Variants in RRAGD observed in about 807,000 individuals in gnomAD.
RRAGD encodes the protein Ras related GTP binding D.
In RRAGD, 12 loss-of-function variants were observed where a neutral mutation model predicts 35.5. The ratio of observed to expected loss-of-function variants is 0.34; its 90% CI spans 0.22 to 0.55. The LOEUF is 0.55. Among genes scored for constraint, RRAGD ranks in the 20% least tolerant of loss-of-function variants. The probability of loss-of-function intolerance (pLI) is 0.91; values close to 1 mark genes in which losing one functional copy is unlikely to be tolerated. For missense variants in RRAGD, 324 were observed against 490.1 expected (o/e 0.66, Z 3.20); for synonymous variants, 155 against 178.9 (o/e 0.87, Z 1.07).
chr6:89,402,241 C>T (rs1448986854), intron 1 of RRAGD, among the ~76,000 whole-genome samples: 2 of 151,516 alleles, frequency 1.3e-5, no homozygotes, highest in Non-Finnish European at 2.9e-5. Context: ...AGAGACGAGG[C>T]TTCACCATGT....
At chr6:89,388,208 G>T (rs578217001) in intron 1 of RRAGD, among the ~76,000 whole-genome samples, 1 of 152,286 alleles carries the variant, frequency 6.6e-6, no homozygotes, top group African/African-American at 2.4e-5. Flanking sequence ...ATCCAGTAAG[G>T]TAGCTACTAG....
At chr6:89,407,261 T>C (rs1228544262) in intron 1 of RRAGD, among the ~76,000 whole-genome samples, 4 of 152,020 alleles carry the variant, frequency 2.6e-5, no homozygotes, top group Admixed American at 6.6e-5. Flanking sequence ...AAGAGAACTC[T>C]AAGGCTCTGG....
chr6:89,399,136 A>C (rs1408316643), intron 1 of RRAGD, among the ~76,000 whole-genome samples: 1 of 152,224 alleles, frequency 6.6e-6, no homozygotes, highest in African/African-American at 2.4e-5. Context: ...AGGGTCTGTA[A>C]GTCTCTATGT....
At chr6:89,397,827 T>C (rs1029173608) in intron 1 of RRAGD, among the ~76,000 whole-genome samples, 3 of 152,168 alleles carry the variant, frequency 2.0e-5, no homozygotes, top group Non-Finnish European at 4.4e-5. Context: ...CAGTGGCAAA[T>C]AGCGTATCAG....
chr6:89,377,114 G>A (rs9359851), intron 5 of RRAGD, among the ~76,000 whole-genome samples: 11,804 of 152,214 alleles, frequency 0.078, 1,092 homozygotes, highest in East Asian at 0.27. Context: ...AGAATACAGT[G>A]CGTAATACAT....
intron 2 of RRAGD, among the ~76,000 whole-genome samples, chr6:89,386,084 G>A (rs893084310): frequency 2.6e-5 from 4 of 152,194 alleles, no homozygotes; most frequent in African/African-American, 9.7e-5. Context: ...ACAGTTCCAG[G>A]GAAAGGGCAC....
intron 1 of RRAGD, among the ~76,000 whole-genome samples, chr6:89,408,688 G>C (rs987729185): frequency 2.6e-5 from 4 of 152,194 alleles, no homozygotes; most frequent in African/African-American, 9.7e-5. Flanking sequence ...GACTGTGGGT[G>C]AGCAGCTTAC....
chr6:89,387,593 G>A lies in RRAGD; in HGVS notation c.149-3C>T, dbSNP rs369042225. 2.2e-4 allele frequency: 356 copies of A among 1,604,730 alleles called. 1 individual carries two copies. The African/African-American group carries it at 4.4e-3, about 20-fold the overall frequency. ...GAAGGGGTCACTGAAGTCCAGAACT[G>A]GAGAAACCACAAAATGAGAATGAAG... On this transcript the variant is annotated splice_region_variant and splice_polypyrimidine_tract_variant and intron_variant, in intron 1 of 6. Transcript: ENST00000369415.
At chr6:89,384,457 C>A (rs1459285458) in intron 2 of RRAGD, among the ~76,000 whole-genome samples, 2 of 152,160 alleles carry the variant, frequency 1.3e-5, no homozygotes, top group East Asian at 3.8e-4. Flanking sequence ...GGTCCTCCAG[C>A]CTTGGCCTCC....
intron 1 of RRAGD, among the ~76,000 whole-genome samples, chr6:89,408,923 A>G (rs1026975660): frequency 1.3e-5 from 2 of 152,034 alleles, no homozygotes; most frequent in Non-Finnish European, 2.9e-5. Flanking sequence ...TTTTATCTGG[A>G]GTGTGGGGAT....
rs1244536066 is a variant in RRAGD at position 89,412,029 on chromosome 6, G to T, written c.-36C>A. 1.3e-6 allele frequency: 2 copies of T among 1,514,730 alleles called. No individual in the cohort carries two copies. The highest frequency in any genetic ancestry group is 8.8e-7 in the Non-Finnish European group (1 of 1,136,330). The allele number at this position is 1,514,730 out of a possible 1,614,324, so 93.8% of individuals were successfully genotyped here. On this transcript the variant is annotated 5_prime_UTR_variant, in exon 1 of 7. Coordinates refer to ENST00000369415, the MANE Select transcript of RRAGD (RefSeq NM_021244.5). The surrounding 1 kb of genome is among the most constrained non-coding windows in gnomAD (Gnocchi z 4.2). ...GGCCGGCCGGCCCGGGGACGGCGGG[G>T]GTCCCGGGGTGGGGGCCAAGCCTCC...
rs1207160675 is a variant in RRAGD, at chr6:89,411,506, C to T, written c.148+340G>A. ...CAGGGCGCGCCCGCGGTCCCCTCCC[C>T]TCCCCAACCGCCAGACGCTGCGGAG... On this transcript the variant is annotated intron_variant, in intron 1 of 6. Coordinates refer to ENST00000369415, the MANE Select transcript of RRAGD (RefSeq NM_021244.5). The surrounding 1 kb of genome is among the most constrained non-coding windows in gnomAD (Gnocchi z 5.6). 1 of 283,650 alleles carries T rather than the reference C, an allele frequency of 3.5e-6. No individual in the cohort carries two copies. The highest frequency in any genetic ancestry group is 6.7e-6 in the Non-Finnish European group (1 of 148,374). 17.6% of individuals were successfully genotyped at this position (283,650 alleles called of 1,614,324 possible). A position where few individuals can be genotyped will look rare whatever the true frequency, so the allele number is the denominator to read the frequency against.
At chr6:89,375,086 A>T (rs902301343) in intron 5 of RRAGD, among the ~76,000 whole-genome samples, 2 of 152,236 alleles carry the variant, frequency 1.3e-5, no homozygotes, top group Admixed American at 1.3e-4. Flanking sequence ...ATCAGGTGGT[A>T]ATGTTAAATG....
Position 89,384,713 on chromosome 6 carries a change from G to A in RRAGD, c.444+2582C>T, listed in dbSNP as rs148552389. Among the ~76,000 whole-genome samples, 1,199 of 151,730 alleles carry A rather than the reference G, an allele frequency of 7.9e-3. 17 individuals carry two copies. Among genetic ancestry groups the A allele is most frequent in the African/African-American group, 0.028 (1,154 of 41,332 alleles). ...GCCTGCAGTCCCAGCTACTCGGGAG[G>A]CTGAGGCAGGAAAATGGCGTGAACC... On this transcript the variant is annotated intron_variant, in intron 2 of 6. Transcript: ENST00000369415.
intron 1 of RRAGD, among the ~76,000 whole-genome samples, chr6:89,388,477 TG>T (rs1769173909): frequency 1.3e-5 from 2 of 152,264 alleles, no homozygotes; most frequent in East Asian, 3.9e-4. Flanking sequence ...TGGCTAAAAC[TG>T]TAAATGTTAT....
intron 1 of RRAGD, among the ~76,000 whole-genome samples, chr6:89,401,547 C>T (rs1388430538): frequency 6.6e-6 from 1 of 152,104 alleles, no homozygotes; most frequent in Admixed American, 6.6e-5. Context: ...TGAACCACCT[C>T]GCCCGGCCCC....
chr6:89,411,752 A>C lies in RRAGD; in HGVS notation c.148+94T>G. On this transcript the variant is annotated intron_variant, in intron 1 of 6. Coordinates refer to ENST00000369415, the MANE Select transcript of RRAGD (RefSeq NM_021244.5). The surrounding 1 kb of genome is among the most constrained non-coding windows in gnomAD (Gnocchi z 5.6). ...GGACCCGCTCCCCTGGACCCCCTCC[A>C]AGTCGGTGGCTCGCGCACGGCCGGG... 1.5e-6 allele frequency: 2 copies of C among 1,364,622 alleles called. No individual in the cohort carries two copies. The highest frequency in any genetic ancestry group is 1.5e-5 in the African/African-American group (1 of 67,290). 84.5% of individuals were successfully genotyped at this position (1,364,622 alleles called of 1,614,324 possible).
In RRAGD at chr6:89,380,106, C is replaced by A. The variant is rs186227134; in HGVS notation, c.644+62G>T. ...CATGCCAAGCCAATCATGGTGACTC[C>A]GAACCCCAAACTTGCTTTCTTCCAT... On this transcript the variant is annotated intron_variant, in intron 3 of 6. Coordinates refer to ENST00000369415, the MANE Select transcript of RRAGD (RefSeq NM_021244.5). The A allele has an allele frequency of 8.6e-4, 1,298 of 1,515,658 alleles. 2 individuals are homozygous for A. The highest frequency in any genetic ancestry group is 1.1e-3 in the Non-Finnish European group (1,251 of 1,092,924). The allele number at this position is 1,515,658 out of a possible 1,614,324, so 93.9% of individuals were successfully genotyped here.
chr6:89,403,317 C>T lies in RRAGD; in HGVS notation c.148+8529G>A, dbSNP rs866354799. 1.3e-3 allele frequency among the ~76,000 whole-genome samples: 192 copies of T among 151,900 alleles called. 1 individual carries two copies. Among genetic ancestry groups the T allele is most frequent in the African/African-American group, 4.4e-3 (181 of 41,452 alleles). Reference sequence around the variant, plus strand: ...AAAATTAGCTGGGCATGGTGGCGGGCGCCTGTAGTCCCAGCTACTCAGGAG... The same window carrying T: ...AAAATTAGCTGGGCATGGTGGCGGGTGCCTGTAGTCCCAGCTACTCAGGAG... On this transcript the variant is annotated intron_variant, in intron 1 of 6. Transcript: ENST00000369415.
Sources: gnomAD v4.1 joint callset for allele counts (sites outside exome capture counted in the v4.1 genomes callset) on GRCh38, gnomAD v4.1.1 for gene constraint, Gnocchi (gnomAD v3.1) non-coding constraint, MANE v1.5 for transcripts, NCBI Gene and HGNC (gene_info 2026-07-23, HGNC 2026-07-21) for gene names.